NPAS3: variants seen among roughly 807,000 people sequenced by gnomAD.
NPAS3 encodes the protein neuronal PAS domain-containing protein 3.
In NPAS3, 14 loss-of-function variants were observed where a neutral mutation model predicts 73.1. That is an observed-to-expected ratio of 0.19 (90% CI 0.13 to 0.30). NPAS3 has a LOEUF of 0.30. NPAS3 is among the 10% of genes least tolerant of loss of function. The probability of loss-of-function intolerance (pLI) is 1.00; values close to 1 mark genes in which losing one functional copy is unlikely to be tolerated. For missense variants in NPAS3, 1,096 were observed against 1,250.0 expected, an observed-to-expected ratio of 0.88 and a Z score of 1.86; for synonymous variants, 620 against 541.5, an observed-to-expected ratio of 1.14 and a Z score of -2.01.
chr14:33,423,997 G>A (rs994651447), intron 4 of NPAS3, among the ~76,000 whole-genome samples: 3 of 151,942 alleles, frequency 2.0e-5, no homozygotes, highest in Non-Finnish European at 4.4e-5. Flanking sequence ...CAACTCTGGT[G>A]AACAAAAACA....
chr14:33,191,358 T>C (rs1363548043), intron 2 of NPAS3, among the ~76,000 whole-genome samples: 1 of 152,210 alleles, frequency 6.6e-6, no homozygotes, highest in Non-Finnish European at 1.5e-5. Context: ...ATGTGTTAAA[T>C]CTTATAATTT....
At chr14:33,452,541 G>A (rs1173051543) in intron 4 of NPAS3, among the ~76,000 whole-genome samples, 4 of 152,038 alleles carry the variant, frequency 2.6e-5, no homozygotes, top group Non-Finnish European at 5.9e-5. Context: ...GTGAGGCTGA[G>A]GCAGGCGGAT....
chr14:32,985,879 C>T (rs17099810), intron 1 of NPAS3, among the ~76,000 whole-genome samples: 2,421 of 152,232 alleles, frequency 0.016, 72 homozygotes, highest in African/African-American at 0.054. Context: ...TGGATTTACA[C>T]GATCAAGGAT....
At chr14:33,278,516 A>AC in intron 3 of NPAS3, among the ~76,000 whole-genome samples, 1 of 151,932 alleles carries the variant, frequency 6.6e-6, no homozygotes, top group South Asian at 2.1e-4. Flanking sequence ...AAAAAAAAAA[A>AC]GTATCTCAAG....
intron 4 of NPAS3, among the ~76,000 whole-genome samples, chr14:33,407,250 C>G (rs947539544): frequency 5.3e-5 from 8 of 152,120 alleles, no homozygotes; most frequent in African/African-American, 1.7e-4. Flanking sequence ...TGCAAAGACT[C>G]AGTGAATGTT....
At chr14:33,177,508 G>T (rs749168428) in intron 2 of NPAS3, among the ~76,000 whole-genome samples, 1 of 151,948 alleles carries the variant, frequency 6.6e-6, no homozygotes, top group Non-Finnish European at 1.5e-5. Context: ...TAAAAAAAAA[G>T]ATTTACATAT....
intron 1 of NPAS3, among the ~76,000 whole-genome samples, chr14:32,990,247 AG>A (rs2139465859): frequency 6.6e-6 from 1 of 152,298 alleles, no homozygotes; most frequent in Admixed American, 6.5e-5. Context: ...TTGATAAGCA[AG>A]TGCTTATTGA....
intron 1 of NPAS3, among the ~76,000 whole-genome samples, chr14:33,026,196 C>T (rs903248128): frequency 6.6e-6 from 1 of 152,198 alleles, no homozygotes; most frequent in African/African-American, 2.4e-5. Context: ...AGCGTGTCCT[C>T]CCATAGCTAG....
chr14:33,575,272 A>G (rs1375346139), intron 5 of NPAS3, among the ~76,000 whole-genome samples: 1 of 152,230 alleles, frequency 6.6e-6, no homozygotes, highest in Non-Finnish European at 1.5e-5. Context: ...GTAACACTGC[A>G]ACAATCCAAG....
chr14:33,205,445 A>T (rs2046787240), intron 2 of NPAS3, among the ~76,000 whole-genome samples: 1 of 152,178 alleles, frequency 6.6e-6, no homozygotes, highest in African/African-American at 2.4e-5. Context: ...ACAAATTTCT[A>T]AGCCTTTGGA....
At chr14:33,151,771 A>C (rs948860720) in intron 2 of NPAS3, among the ~76,000 whole-genome samples, 1 of 152,174 alleles carries the variant, frequency 6.6e-6, no homozygotes, top group Non-Finnish European at 1.5e-5. Flanking sequence ...GAAATGTAAG[A>C]TTATTTAATT....
chr14:33,203,867 T>C (rs915790090), intron 2 of NPAS3, among the ~76,000 whole-genome samples: 1 of 152,180 alleles, frequency 6.6e-6, no homozygotes, highest in African/African-American at 2.4e-5. Context: ...CAAATGGTAT[T>C]TCTAGTTCTA....
chr14:33,498,933 A>AGTGT (rs1466938045), intron 4 of NPAS3, among the ~76,000 whole-genome samples: 22 of 76,984 alleles, frequency 2.9e-4, no homozygotes, highest in African/African-American at 6.6e-4. Flanking sequence ...AGACAGAGAG[A>AGTGT]GAGTGTGTGT....
rs1555411751 is a variant in NPAS3, at chr14:33,555,889, G to GTGTGT, written c.469-4232_469-4231insTGTGT. Among the ~76,000 whole-genome samples the GTGTGT allele has an allele frequency of 7.7e-4, 115 of 148,572 alleles. 2 individuals are homozygous for GTGTGT. The highest frequency in any genetic ancestry group is 6.9e-3 in the Middle Eastern group (2 of 288). On this transcript the variant is annotated intron_variant, in intron 4 of 11. Coordinates refer to ENST00000356141, the Ensembl canonical transcript of NPAS3. ...TATGGTAAATTAACCAATTGTTGTT[G>GTGTGT]GTGTGTCTGTGTGTGTGTGTGTGTG...
At chr14:33,019,841 A>G (rs1043073421) in intron 1 of NPAS3, among the ~76,000 whole-genome samples, 3 of 152,222 alleles carry the variant, frequency 2.0e-5, no homozygotes, top group Admixed American at 6.5e-5. Context: ...ATTTGAATAG[A>G]TATGGAGAAT....
chr14:33,553,729 A>G (rs894217512), intron 4 of NPAS3, among the ~76,000 whole-genome samples: 9 of 152,232 alleles, frequency 5.9e-5, no homozygotes, highest in African/African-American at 1.7e-4. Flanking sequence ...GAGAAAATAT[A>G]CTTGACTTAG....
intron 7 of NPAS3, among the ~76,000 whole-genome samples, chr14:33,743,139 G>A (rs2061695997): frequency 6.6e-6 from 1 of 152,190 alleles, no homozygotes; most frequent in African/African-American, 2.4e-5. Context: ...ATTTTGAATG[G>A]TGAATGCTTT....
chr14:33,548,208 C>T (rs982132531), intron 4 of NPAS3, among the ~76,000 whole-genome samples: 1 of 152,128 alleles, frequency 6.6e-6, no homozygotes, highest in African/African-American at 2.4e-5. Flanking sequence ...ATGGTTGAGG[C>T]CACTTTAGTC....
intron 3 of NPAS3, among the ~76,000 whole-genome samples, chr14:33,236,108 T>C (rs2048025475): frequency 1.3e-5 from 2 of 151,964 alleles, no homozygotes; most frequent in Admixed American, 6.6e-5. Context: ...GTGAGAAAGA[T>C]GGCAAAGTTG....
Sources: gnomAD v4.1 joint callset for allele counts (sites outside exome capture counted in the v4.1 genomes callset) on GRCh38, gnomAD v4.1.1 for gene constraint, MANE v1.5 for transcripts, NCBI Gene and HGNC (gene_info 2026-07-23, HGNC 2026-07-21) for gene names.